The following COL25A1 variants were observed in gnomAD, a reference collection of about 807,000 sequenced individuals.
COL25A1 encodes collagen alpha-1(XXV) chain.
COL25A1 carries 103 observed loss-of-function variants against 128.4 expected under a neutral mutation model. The ratio of observed to expected loss-of-function variants is 0.80; its 90% CI spans 0.68 to 0.94. The LOEUF is 0.94. Ranked by LOEUF, COL25A1 falls within the 40% of genes least tolerant of loss-of-function variation. COL25A1 has a pLI of 0.00. For missense variants in COL25A1, 745 were observed against 840.0 expected (o/e 0.89, Z 1.40); for synonymous variants, 279 against 277.2 (o/e 1.01, Z -0.06).
At chr4:108,908,616 A>G (rs975994199) in intron 13 of COL25A1, among the ~76,000 whole-genome samples, 26 of 152,188 alleles carry the variant, frequency 1.7e-4, no homozygotes, top group African/African-American at 6.3e-4. Flanking sequence ...TTAGAACCGC[A>G]TAACCACCCA....
At chr4:109,054,272 A>T (rs898608217) in intron 3 of COL25A1, among the ~76,000 whole-genome samples, 1 of 152,240 alleles carries the variant, frequency 6.6e-6, no homozygotes. Flanking sequence ...CATGGAACAC[A>T]GAGTTAAAAA....
chr4:109,034,793 A>G (rs1248931822), intron 5 of COL25A1, among the ~76,000 whole-genome samples: 2 of 152,244 alleles, frequency 1.3e-5, no homozygotes, highest in South Asian at 2.1e-4. Flanking sequence ...CTATATATGC[A>G]TCACTTTGAA....
chr4:108,918,173 T>C lies in COL25A1; in HGVS notation c.779A>G (p.Lys260Arg). The change falls in exon 13 of 38, where the codon AAG (lysine) becomes AGG (arginine). Residue 260 changes from lysine to arginine, a missense_variant and splice_region_variant. Physicochemically the swap from Lys to Arg is conservative, Grantham distance 26. Around this residue, in one of 3 missense-constraint regions of COL25A1, gnomAD observed 39 missense variants for 73.3 expected, o/e 0.53. Coordinates refer to ENST00000399132, the MANE Select transcript of COL25A1 (RefSeq NM_198721.4). ...AATACAATATTCTATAGAACTCACC[T>C]TTTGCCCATTCATCCCTGGAATTCC... ...APGIPGMNGQKGEPGLPGAVG... is the reference protein window; with the variant it reads ...APGIPGMNGQRGEPGLPGAVG... 1 of 1,592,230 alleles carries C rather than the reference T, an allele frequency of 6.3e-7. No homozygotes were observed. The highest frequency in any genetic ancestry group is 1.1e-5 in the South Asian group (1 of 87,440).
At chr4:108,900,686 G>A (rs1356001760) in intron 14 of COL25A1, among the ~76,000 whole-genome samples, 2 of 151,940 alleles carry the variant, frequency 1.3e-5, no homozygotes, top group African/African-American at 4.8e-5. Context: ...TGATTAACTG[G>A]TTATGTTGTG....
At chr4:108,831,360 A>C (rs373839646) in intron 32 of COL25A1, among the ~76,000 whole-genome samples, 1 of 152,106 alleles carries the variant, frequency 6.6e-6, no homozygotes, top group African/African-American at 2.4e-5. Flanking sequence ...CATTTGGTAA[A>C]TATTTCCTGA....
intron 3 of COL25A1, among the ~76,000 whole-genome samples, chr4:109,156,994 T>A (rs1772098907): frequency 6.6e-6 from 1 of 152,168 alleles, no homozygotes; most frequent in Non-Finnish European, 1.5e-5. Flanking sequence ...ATTTTCAACC[T>A]CAGCTTGACA....
intron 3 of COL25A1, among the ~76,000 whole-genome samples, chr4:109,213,299 A>T (rs560509619): frequency 6.6e-6 from 1 of 152,236 alleles, no homozygotes; most frequent in African/African-American, 2.4e-5. Context: ...GACAGCTGCA[A>T]AGTATGCAAC....
intron 3 of COL25A1, among the ~76,000 whole-genome samples, chr4:109,201,508 C>T (rs1776559529): frequency 2.0e-5 from 3 of 152,078 alleles, no homozygotes; most frequent in Admixed American, 2.0e-4. Flanking sequence ...GAAAAAACAC[C>T]TACAAACAAC....
chr4:108,974,350 G>C lies in COL25A1; in HGVS notation c.492+17C>G, dbSNP rs1413266866. The C allele has an allele frequency of 1.9e-6, 3 of 1,613,212 alleles. No individual in the cohort carries two copies. In the Admixed American group the frequency reaches 5.0e-5, roughly 27 times the overall value. ...AGAAACTAATTTTCCGCCCAAGATA[G>C]GTAGAGCACAACTTACCCTAGGTCC... On this transcript the variant is annotated intron_variant, in intron 8 of 37. Transcript: ENST00000399132.
intron 11 of COL25A1, among the ~76,000 whole-genome samples, chr4:108,929,496 A>G (rs921169869): frequency 3.9e-5 from 6 of 152,176 alleles, no homozygotes; most frequent in African/African-American, 1.2e-4. Context: ...TATAACGTGC[A>G]TATTTATAAG....
chr4:109,256,560 G>T (rs72892733), intron 3 of COL25A1, among the ~76,000 whole-genome samples: 2,165 of 152,246 alleles, frequency 0.014, 46 homozygotes, highest in African/African-American at 0.05. Context: ...ACAAGTTTTA[G>T]TTCCATGTCT....
chr4:109,174,581 G>A (rs904009193), intron 3 of COL25A1, among the ~76,000 whole-genome samples: 1 of 152,186 alleles, frequency 6.6e-6, no homozygotes, highest in African/African-American at 2.4e-5. Flanking sequence ...TGGCACTGCA[G>A]GGCATATGGA....
intron 3 of COL25A1, among the ~76,000 whole-genome samples, chr4:109,153,176 G>A (rs1025358620): frequency 9.2e-5 from 14 of 151,688 alleles, no homozygotes; most frequent in South Asian, 2.1e-4. Context: ...TCCTGAGGTC[G>A]GGAGTTCGAG....
chr4:109,224,607 A>C (rs1674795850), intron 3 of COL25A1, among the ~76,000 whole-genome samples: 1 of 152,200 alleles, frequency 6.6e-6, no homozygotes, highest in South Asian at 2.1e-4. Context: ...CTACCAACTC[A>C]GTAGAAGAGT....
chr4:108,948,750 G>A (rs1258888763), intron 8 of COL25A1, among the ~76,000 whole-genome samples: 3 of 152,120 alleles, frequency 2.0e-5, no homozygotes, highest in Admixed American at 1.3e-4. Flanking sequence ...TTATTTGGAA[G>A]AGAAAGAAAA....
At chr4:109,011,995 A>G (rs1035476841) in intron 5 of COL25A1, among the ~76,000 whole-genome samples, 4 of 151,728 alleles carry the variant, frequency 2.6e-5, no homozygotes, top group Non-Finnish European at 4.4e-5. Context: ...GAAGATTTCT[A>G]TGGAGACACT....
chr4:109,154,149 T>G (rs1389055655), intron 3 of COL25A1, among the ~76,000 whole-genome samples: 2 of 152,240 alleles, frequency 1.3e-5, no homozygotes, highest in African/African-American at 2.4e-5. Flanking sequence ...GATTATCATC[T>G]TTATGATAAC....
intron 3 of COL25A1, among the ~76,000 whole-genome samples, chr4:109,218,357 G>T (rs796233562): frequency 0.019 from 1,376 of 73,616 alleles, 41 homozygotes; most frequent in African/African-American, 0.061. Context: ...GTTTTTTGGG[G>T]TTTTTTTTTT....
intron 20 of COL25A1, among the ~76,000 whole-genome samples, chr4:108,868,804 GA>G (rs1738288229): frequency 1.4e-5 from 2 of 140,048 alleles, no homozygotes; most frequent in Admixed American, 1.5e-4. Flanking sequence ...AGGAAGGAAG[GA>G]AAGAAGGAAG....
Sources: gnomAD v4.1 joint callset for allele counts (sites outside exome capture counted in the v4.1 genomes callset) on GRCh38, gnomAD v4.1.1 for gene constraint, gnomAD v4.1.1 regional missense constraint, MANE v1.5 for transcripts, NCBI Gene and HGNC (gene_info 2026-07-23, HGNC 2026-07-21) for gene names.